The following CNTNAP2 variants were observed in gnomAD, a reference collection of about 807,000 sequenced individuals.
The protein encoded by CNTNAP2 is contactin-associated protein-like 2.
A neutral mutation model predicts 155.2 loss-of-function variants in CNTNAP2; 98 were observed. That is an observed-to-expected ratio of 0.63 (90% CI 0.54 to 0.75). The LOEUF is 0.75. Ranked by LOEUF, CNTNAP2 falls within the 30% of genes least tolerant of loss-of-function variation. CNTNAP2 has a pLI of 0.00. For missense variants in CNTNAP2, 1,727 were observed against 1,688.1 expected, an observed-to-expected ratio of 1.02 and a Z score of -0.40; for synonymous variants, 651 against 631.2, an observed-to-expected ratio of 1.03 and a Z score of -0.47.
chr7:147,221,581 G>C (rs1263348740), intron 8 of CNTNAP2, among the ~76,000 whole-genome samples: 1 of 152,180 alleles, frequency 6.6e-6, no homozygotes. Flanking sequence ...TGAAGCCCTT[G>C]TGTGAAGTCC....
chr7:147,270,395 A>T (rs1324907125), intron 8 of CNTNAP2, among the ~76,000 whole-genome samples: 1 of 152,258 alleles, frequency 6.6e-6, no homozygotes, highest in Admixed American at 6.5e-5. Flanking sequence ...ATGTTACAAT[A>T]ATAATACTTT....
intron 13 of CNTNAP2, among the ~76,000 whole-genome samples, chr7:147,736,300 T>C (rs1796842666): frequency 6.6e-6 from 1 of 152,050 alleles, no homozygotes; most frequent in African/African-American, 2.4e-5. Flanking sequence ...TGTCTGGATG[T>C]GAAATTCTGG....
chr7:146,894,737 C>A (rs961098816), intron 3 of CNTNAP2, among the ~76,000 whole-genome samples: 1 of 151,956 alleles, frequency 6.6e-6, no homozygotes, highest in African/African-American at 2.4e-5. Flanking sequence ...TTTTCTAATT[C>A]TTTGAAGAAA....
At chr7:148,140,623 T>C (rs1007211194) in intron 16 of CNTNAP2, among the ~76,000 whole-genome samples, 2 of 152,062 alleles carry the variant, frequency 1.3e-5, no homozygotes, top group African/African-American at 4.8e-5. Context: ...CATTTCTCCA[T>C]GTTGGTCAGG....
chr7:146,183,521 T>C (rs1261634840), intron 1 of CNTNAP2, among the ~76,000 whole-genome samples: 2 of 151,794 alleles, frequency 1.3e-5, no homozygotes, highest in Admixed American at 1.3e-4. Flanking sequence ...CAACTGTGAC[T>C]AAAGGGCTCA....
chr7:146,906,620 A>G lies in CNTNAP2; in HGVS notation c.402+66716A>G, dbSNP rs1796134374. Among the ~76,000 whole-genome samples the G allele has an allele frequency of 2.6e-5, 4 of 152,248 alleles. No homozygotes were observed. The South Asian group carries it at 6.2e-4, about 24-fold the overall frequency. ...TCTGTTAGAAGGAAAACTAACAAAT[A>G]GAAAGGACATCCACACCGAAAACCC... On this transcript the variant is annotated intron_variant, in intron 3 of 23. Transcript: ENST00000361727.
chr7:147,786,373 G>T (rs1183613084), intron 13 of CNTNAP2, among the ~76,000 whole-genome samples: 1 of 152,202 alleles, frequency 6.6e-6, no homozygotes, highest in Non-Finnish European at 1.5e-5. Context: ...TGAGGAGGGG[G>T]TCTGGGAGGT....
At chr7:146,617,819 T>C (rs1409634662) in intron 1 of CNTNAP2, among the ~76,000 whole-genome samples, 1 of 152,178 alleles carries the variant, frequency 6.6e-6, no homozygotes, top group Admixed American at 6.5e-5. Context: ...TCTCAGGTCC[T>C]GCATAATGTA....
intron 15 of CNTNAP2, among the ~76,000 whole-genome samples, chr7:148,072,882 A>G (rs113577645): frequency 0.019 from 2,949 of 152,118 alleles, 109 homozygotes; most frequent in African/African-American, 0.068. Context: ...TAATTTTTGT[A>G]TTTTTAGTAG....
intron 1 of CNTNAP2, among the ~76,000 whole-genome samples, chr7:146,210,506 A>G (rs2014200): frequency 0.29 from 44,297 of 151,950 alleles, 7,336 homozygotes; most frequent in African/African-American, 0.45. Flanking sequence ...GTTTCACAAT[A>G]TGGACCAGGC....
chr7:148,394,132 C>G (rs1585338204), intron 22 of CNTNAP2, among the ~76,000 whole-genome samples: 3 of 151,512 alleles, frequency 2.0e-5, no homozygotes, highest in African/African-American at 7.3e-5. Context: ...TTAAATTATT[C>G]CATGTTTTTT....
At chr7:146,559,448 G>C (rs150013985) in intron 1 of CNTNAP2, among the ~76,000 whole-genome samples, 151 of 152,048 alleles carry the variant, frequency 9.9e-4, no homozygotes, top group African/African-American at 3.5e-3. Context: ...TGTGGCTGTA[G>C]TCCCAGCTAC....
At chr7:147,785,264 G>A (rs1797722476) in intron 13 of CNTNAP2, among the ~76,000 whole-genome samples, 1 of 152,134 alleles carries the variant, frequency 6.6e-6, no homozygotes, top group Admixed American at 6.5e-5. Flanking sequence ...TCAACATCTA[G>A]CTTCTAGGCA....
At chr7:147,528,707 G>A (rs1024753058) in intron 11 of CNTNAP2, among the ~76,000 whole-genome samples, 3 of 152,202 alleles carry the variant, frequency 2.0e-5, no homozygotes, top group African/African-American at 7.2e-5. Flanking sequence ...ACACATGAGA[G>A]GGAACAGTGG....
At chr7:146,210,592 T>C (rs1055117731) in intron 1 of CNTNAP2, among the ~76,000 whole-genome samples, 7 of 152,116 alleles carry the variant, frequency 4.6e-5, no homozygotes, top group African/African-American at 1.7e-4. Context: ...GTGTGAGCCG[T>C]TGTGCCTGGC....
chr7:146,770,211 C>T (rs187308681), intron 1 of CNTNAP2, among the ~76,000 whole-genome samples: 152 of 151,792 alleles, frequency 1.0e-3, no homozygotes, highest in African/African-American at 3.5e-3. Flanking sequence ...TCATTTATTA[C>T]TGCCACTTAT....
chr7:146,230,951 G>A (rs1799373165), intron 1 of CNTNAP2, among the ~76,000 whole-genome samples: 1 of 151,904 alleles, frequency 6.6e-6, no homozygotes, highest in Admixed American at 6.6e-5. Context: ...GGAGGCAGAG[G>A]TTGCAGTGAG....
At chr7:147,442,313 C>A (rs75825486) in intron 10 of CNTNAP2, among the ~76,000 whole-genome samples, 1 of 152,172 alleles carries the variant, frequency 6.6e-6, no homozygotes, top group Non-Finnish European at 1.5e-5. Context: ...GTGAATACTT[C>A]CAGCCTACCA....
intron 13 of CNTNAP2, among the ~76,000 whole-genome samples, chr7:147,787,910 C>T (rs1041001880): frequency 3.3e-5 from 5 of 152,140 alleles, no homozygotes; most frequent in Non-Finnish European, 7.4e-5. Flanking sequence ...TTTTGTACTC[C>T]TCCCACAAAA....
Sources: allele counts gnomAD v4.1 joint callset (sites outside exome capture counted in the v4.1 genomes callset), GRCh38; gene constraint gnomAD v4.1.1; transcripts MANE v1.5; gene names NCBI Gene and HGNC (gene_info 2026-07-23, HGNC 2026-07-21).